HSF5: variants seen among roughly 807,000 people sequenced by gnomAD.
The protein encoded by HSF5 is heat shock factor protein 5.
A neutral mutation model predicts 50.8 loss-of-function variants in HSF5; 5 were observed. The observed-to-expected ratio is 0.10, with a 90% CI of 0.05 to 0.21. The LOEUF is 0.21. Among genes scored for constraint, HSF5 ranks in the 10% least tolerant of loss-of-function variants. The probability of loss-of-function intolerance (pLI) is 1.00; values close to 1 mark genes in which losing one functional copy is unlikely to be tolerated. For missense variants in HSF5, 564 were observed against 762.6 expected, an observed-to-expected ratio of 0.74 and a Z score of 3.07; for synonymous variants, 307 against 307.4, an observed-to-expected ratio of 1.00 and a Z score of 0.02.
At chr17:58,422,468 C>T in intron 5 of HSF5, 38 bp from the exon 6 acceptor site, 2 of 1,542,592 alleles carry the variant, frequency 1.3e-6, no homozygotes, top group Non-Finnish European at 1.8e-6. Flanking sequence ...CTTAGCCTCT[C>T]TGTAGAGTTC....
At position 58,470,925 on chromosome 17, in the gene HSF5, C is replaced by CA. The variant is rs1034117009; in HGVS notation, c.926-3947dup. Among the ~76,000 whole-genome samples the CA allele has an allele frequency of 8.7e-5, 13 of 149,278 alleles. No individual in the cohort carries two copies. The South Asian group carries it at 2.1e-3, about 24-fold the overall frequency. On this transcript the variant is annotated intron_variant, in intron 2 of 5. Transcript: ENST00000323777. The stretch of plus-strand genomic sequence containing the variant: ...TGGGTGACAGAGTGAGACTCCGTCT[C>CA]AAAAAAAAAGATGGTAAATTTATAT...
intron 5 of HSF5, among the ~76,000 whole-genome samples, chr17:58,442,738 TTTTG>T (rs985020635): frequency 6.6e-6 from 1 of 152,098 alleles, no homozygotes; most frequent in African/African-American, 2.4e-5. Flanking sequence ...TTTAATTCTT[TTTTG>T]TTTGTTTGTT....
chr17:58,422,518 G>T, intron 5 of HSF5, 88 bp from the exon 6 acceptor site: 2 of 953,488 alleles, frequency 2.1e-6, no homozygotes, highest in Non-Finnish European at 1.6e-6. Context: ...AGTTGTCTAT[G>T]TCTCACCTGT....
In HSF5 at chr17:58,476,167, TTCA is replaced by T. The variant is rs146035767; in HGVS notation, c.925+3723_925+3725del. ...CTTCATCCTTCTCTCCTTCCTCCCC[TTCA>T]TCATCATCTTCATCTTCTTCATCTT... On this transcript the variant is annotated intron_variant, in intron 2 of 5. Coordinates refer to ENST00000323777, the MANE Select transcript of HSF5 (RefSeq NM_001080439.3). 108 of 1,038,012 alleles carry T rather than the reference TTCA, an allele frequency of 1.0e-4. No individual in the cohort carries two copies. In the African/African-American group the frequency reaches 1.4e-3, roughly 13 times the overall value. 64.3% of individuals were successfully genotyped at this position (1,038,012 alleles called of 1,614,324 possible). A position where few individuals can be genotyped will look rare whatever the true frequency, so the allele number is the denominator to read the frequency against.
At chr17:58,452,877 A>T (rs1974659915) in intron 5 of HSF5, among the ~76,000 whole-genome samples, 1 of 20,114 alleles carries the variant, frequency 5.0e-5, no homozygotes, top group South Asian at 1.3e-3. Context: ...GGGGAAGATA[A>T]AAAAAAAAAT....
intron 5 of HSF5, among the ~76,000 whole-genome samples, chr17:58,431,535 T>C (rs1974365128): frequency 6.6e-6 from 1 of 152,234 alleles, no homozygotes; most frequent in African/African-American, 2.4e-5. Flanking sequence ...ATTGACTGAA[T>C]GTCATTATGC....
intron 3 of HSF5, among the ~76,000 whole-genome samples, chr17:58,464,073 T>C (rs533425667): frequency 1.4e-5 from 2 of 143,432 alleles, no homozygotes; most frequent in East Asian, 2.2e-4. Context: ...TTATATCAGA[T>C]TATAAACTTA....
chr17:58,432,771 G>C (rs1974381288), intron 5 of HSF5, among the ~76,000 whole-genome samples: 1 of 152,126 alleles, frequency 6.6e-6, no homozygotes, highest in Non-Finnish European at 1.5e-5. Context: ...AAGACTGTAG[G>C]GGCCAAGAGC....
chr17:58,424,536 C>T (rs985184384), intron 5 of HSF5, among the ~76,000 whole-genome samples: 16 of 150,574 alleles, frequency 1.1e-4, no homozygotes, highest in Admixed American at 3.3e-4. Context: ...TGTTTGAACC[C>T]GGGAGATGGA....
At chr17:58,475,852 G>C (rs926521097) in intron 2 of HSF5, among the ~76,000 whole-genome samples, 1 of 152,152 alleles carries the variant, frequency 6.6e-6, no homozygotes, top group African/African-American at 2.4e-5. Flanking sequence ...AGAGCTCGTA[G>C]TGTTGATTCC....
intron 1 of HSF5, among the ~76,000 whole-genome samples, chr17:58,485,265 A>G (rs1479195667): frequency 6.6e-6 from 1 of 151,992 alleles, no homozygotes; most frequent in South Asian, 2.1e-4. Flanking sequence ...AGATTTCTTT[A>G]TAGTAAATCC....
intron 5 of HSF5, among the ~76,000 whole-genome samples, chr17:58,451,680 A>T (rs1974643313): frequency 6.6e-6 from 1 of 152,280 alleles, no homozygotes; most frequent in African/African-American, 2.4e-5. Context: ...TATGTGATAC[A>T]GCAAATGCTG....
chr17:58,458,110 T>A (rs757360146), intron 5 of HSF5, among the ~76,000 whole-genome samples: 5 of 152,196 alleles, frequency 3.3e-5, no homozygotes, highest in African/African-American at 4.8e-5. Context: ...TCTAGAATAT[T>A]AAAATTGTCC....
chr17:58,479,896 T>G lies in HSF5; in HGVS notation c.922A>C (p.Thr308Pro). Residue 308 changes from threonine (T) to proline (P), a missense_variant, in exon 2 of 6, where the codon ACA (threonine) becomes CCA (proline). Around this residue, in one of 5 missense-constraint regions of HSF5, gnomAD observed 441 missense variants for 533.6 expected, o/e 0.83. Coordinates refer to ENST00000323777, the MANE Select transcript of HSF5 (RefSeq NM_001080439.3). ...CATGAACCTGAATTTGTCATACCTG[T>G]TGGATAGTAGGCTTGCGAGTACTGT... ...SAQYSQAYYP[T>P]AVLQCCSPTH... is the part of the protein sequence containing the mutation. 1 of 1,609,968 alleles carries G rather than the reference T, an allele frequency of 6.2e-7. No homozygotes were observed. Among genetic ancestry groups the G allele is most frequent in the Non-Finnish European group, 8.5e-7 (1 of 1,178,190 alleles).
At chr17:58,431,145 C>A (rs1018701814) in intron 5 of HSF5, among the ~76,000 whole-genome samples, 2 of 152,188 alleles carry the variant, frequency 1.3e-5, no homozygotes, top group African/African-American at 4.8e-5. Flanking sequence ...GTGAAACATG[C>A]CTTTCACCTT....
At chr17:58,471,942 C>T (rs1974951258) in intron 2 of HSF5, among the ~76,000 whole-genome samples, 1 of 151,976 alleles carries the variant, frequency 6.6e-6, no homozygotes, top group African/African-American at 2.4e-5. Context: ...CAGCCTCGGC[C>T]TCCCGGGTTC....
intron 2 of HSF5, among the ~76,000 whole-genome samples, chr17:58,475,906 A>G (rs1975006043): frequency 6.6e-6 from 1 of 152,166 alleles, no homozygotes; most frequent in Non-Finnish European, 1.5e-5. Flanking sequence ...ATGAATTTCG[A>G]ACAGAAAGGG....
chr17:58,450,261 C>T (rs4793947), intron 5 of HSF5, among the ~76,000 whole-genome samples: 1 of 141,788 alleles, frequency 7.1e-6, no homozygotes, highest in Admixed American at 7.4e-5. Context: ...ATCATTTGAA[C>T]CCAGGAGGCA....
intron 2 of HSF5, among the ~76,000 whole-genome samples, chr17:58,473,882 G>C (rs75418775): frequency 6.8e-6 from 1 of 146,044 alleles, no homozygotes; most frequent in East Asian, 2.0e-4. Flanking sequence ...TTTTTTTTTT[G>C]AGACAAGGTC....
Sources: gnomAD v4.1 joint callset for allele counts (sites outside exome capture counted in the v4.1 genomes callset) on GRCh38, gnomAD v4.1.1 for gene constraint, gnomAD v4.1.1 regional missense constraint, MANE v1.5 for transcripts, NCBI Gene and HGNC (gene_info 2026-07-23, HGNC 2026-07-21) for gene names.